Variants in TOP3B observed in about 807,000 individuals in gnomAD.
TOP3B encodes DNA topoisomerase III beta.
Under a neutral mutation model 93.9 loss-of-function variants are expected in TOP3B, and 45 were observed. The ratio of observed to expected loss-of-function variants is 0.48; its 90% CI spans 0.38 to 0.61. The LOEUF is 0.61. TOP3B is among the 20% of genes least tolerant of loss of function. The pLI is 0.00. For synonymous variants in TOP3B, 357 were observed against 472.6 expected (o/e 0.76, Z 3.17); for missense variants, 750 against 1,156.1 (o/e 0.65, Z 5.09).
rs1239986772 is a variant in TOP3B, at chr22:21,970,868, A to G, written c.385-462T>C. 12 of 512,504 alleles carry G rather than the reference A, an allele frequency of 2.3e-5. No homozygotes were observed. Among genetic ancestry groups the G allele is most frequent in the Non-Finnish European group, 3.1e-5 (11 of 355,952 alleles). The allele number at this position is 512,504 out of a possible 1,614,324, so 31.7% of individuals were successfully genotyped here. ...TGAAGAAAAGACAGGGAAGGAAAAA[A>G]GAATGAAGGGGAAAGGAAATGGGCA... On this transcript the variant is annotated intron_variant, in intron 5 of 17. Transcript: ENST00000357179. The surrounding 1 kb of genome is among the most constrained non-coding windows in gnomAD (Gnocchi z 4.4).
chr22:21,960,679 C>T (rs2071137044), intron 13 of TOP3B: 6 of 561,628 alleles, frequency 1.1e-5, no homozygotes, highest in Admixed American at 6.1e-5. Flanking sequence ...TACAGGGCGC[C>T]TACTCCTGCT....
intron 8 of TOP3B, 80 bp downstream of exon 8, chr22:21,967,523 G>A: frequency 2.8e-6 from 3 of 1,067,568 alleles, no homozygotes; most frequent in Non-Finnish European, 2.9e-6. Context: ...TAGGATCACA[G>A]GCTGTTCCTC....
chr22:21,978,526 C>A (rs75195025), intron 1 of TOP3B, among the ~76,000 whole-genome samples: 3,581 of 152,222 alleles, frequency 0.024, 82 homozygotes, highest in Non-Finnish European at 0.032. Flanking sequence ...ATTGGACAGC[C>A]TGGGTGGCCT....
At chr22:21,980,267 C>T (rs1320775216) in intron 1 of TOP3B, among the ~76,000 whole-genome samples, 2 of 152,126 alleles carry the variant, frequency 1.3e-5, no homozygotes, top group African/African-American at 4.8e-5. Context: ...CCCTTTTGCA[C>T]CTTTTACATT....
rs190599272 is a variant in TOP3B at position 21,964,582 on chromosome 22, C to T, written c.944-267G>A. 1,051 of 525,530 alleles carry T rather than the reference C, an allele frequency of 2.0e-3. 19 individuals carry two copies. The East Asian group carries it at 0.032, about 16-fold the overall frequency. 32.6% of individuals were successfully genotyped at this position (525,530 alleles called of 1,614,324 possible). A position where few individuals can be genotyped will look rare whatever the true frequency, so the allele number is the denominator to read the frequency against. On this transcript the variant is annotated intron_variant, in intron 9 of 17. Transcript: ENST00000357179. ...GGGAAACGCCACTCACTCTACCCCACGGTGCATCCTCATGGGGCTCATGGC... is the reference window on the plus strand; with the variant it reads ...GGGAAACGCCACTCACTCTACCCCATGGTGCATCCTCATGGGGCTCATGGC...
intron 1 of TOP3B, among the ~76,000 whole-genome samples, chr22:21,979,668 G>A (rs182365778): frequency 9.9e-5 from 15 of 152,164 alleles, no homozygotes; most frequent in East Asian, 9.7e-4. Flanking sequence ...CTGGCCGGGC[G>A]CGGTGGCTCA....
chr22:21,964,576 A>AC (rs2071341252), intron 9 of TOP3B: 2 of 532,538 alleles, frequency 3.8e-6, no homozygotes, highest in Non-Finnish European at 6.8e-6. Flanking sequence ...CACTCACTCT[A>AC]CCCCACGGTG....
At chr22:21,957,797 A>G (rs2070984059) in intron 17 of TOP3B, 1 of 1,529,828 alleles carries the variant, frequency 6.5e-7, no homozygotes, top group African/African-American at 1.4e-5. Flanking sequence ...AAACCTCCTC[A>G]ACTTTCAAGG....
chr22:21,974,556 C>A, intron 2 of TOP3B, 68 bp from the exon 3 acceptor site: 2 of 1,491,516 alleles, frequency 1.3e-6, no homozygotes, highest in Admixed American at 2.2e-5. Flanking sequence ...GAGACCCCAG[C>A]CCGGATGCCA....
chr22:21,974,631 C>T (rs1360933212), intron 2 of TOP3B, 143 bp from the exon 3 acceptor site: 14 of 938,348 alleles, frequency 1.5e-5, no homozygotes, highest in African/African-American at 6.7e-5. Flanking sequence ...CAGACTGGTG[C>T]GGGTAGTTGG....
chr22:21,967,830 T>C lies in TOP3B; in HGVS notation c.739-114A>G, dbSNP rs527851475. 56 of 744,808 alleles carry C rather than the reference T, an allele frequency of 7.5e-5. No homozygotes were observed. The African/African-American group carries it at 8.6e-4, about 11-fold the overall frequency. The allele number at this position is 744,808 out of a possible 1,614,324, so 46.1% of individuals were successfully genotyped here. On this transcript the variant is annotated intron_variant, in intron 7 of 17. Coordinates refer to ENST00000357179, the MANE Select transcript of TOP3B (RefSeq NM_001282112.2). ...TCCTTGTCTGGGAGCCAAATAGCCC[T>C]GGCTGTAATGGCTCACAGCTGTACC...
At chr22:21,981,444 T>C (rs1182530333) in intron 1 of TOP3B, among the ~76,000 whole-genome samples, 1 of 152,220 alleles carries the variant, frequency 6.6e-6, no homozygotes, top group African/African-American at 2.4e-5. Flanking sequence ...ACAGCTTCCA[T>C]CTACTTATTC....
intron 1 of TOP3B, among the ~76,000 whole-genome samples, chr22:21,980,756 A>T (rs995861751): frequency 1.3e-5 from 2 of 152,214 alleles, no homozygotes; most frequent in African/African-American, 2.4e-5. Flanking sequence ...GGCCTAGGCC[A>T]CTTTTCCCCC....
intron 3 of TOP3B, chr22:21,973,837 A>T (rs1490210669): frequency 1.3e-5 from 2 of 152,776 alleles, no homozygotes; most frequent in African/African-American, 4.8e-5. Context: ...AGAGGCCGTC[A>T]TTGCCCACAT....
At chr22:21,976,937 A>G (rs537629180) in intron 1 of TOP3B, 2 of 152,366 alleles carry the variant, frequency 1.3e-5, no homozygotes, top group South Asian at 4.1e-4. Context: ...AAATCCCACT[A>G]AAACCGATTC....
At chr22:21,972,782 A>G in intron 3 of TOP3B, 64 bp from the exon 4 acceptor site, 1 of 1,376,232 alleles carries the variant, frequency 7.3e-7, no homozygotes, top group Non-Finnish European at 1.0e-6. Context: ...TCATAACCCC[A>G]GGAGGATGTT....
Position 21,964,221 on chromosome 22 carries a change from C to T in TOP3B, c.1038G>A (p.Glu346=), listed in dbSNP as rs1453233660. 4.3e-6 allele frequency: 7 copies of T among 1,614,210 alleles called. No individual in the cohort carries two copies. Among genetic ancestry groups the T allele is most frequent in the Non-Finnish European group, 5.9e-6 (7 of 1,180,034 alleles). ...YPRTETTHYP[E]NFDLKGSLRQ... Reference sequence around the variant, plus strand: ...GCAGAGAGCCCTTCAGGTCAAAGTTCTCAGGGTAGTGGGTGGTCTCTGTCC... The same window carrying T: ...GCAGAGAGCCCTTCAGGTCAAAGTTTTCAGGGTAGTGGGTGGTCTCTGTCC... The change falls in exon 10 of 18, where the codon GAG becomes GAA. Residue 346 remains glutamate, a synonymous_variant. Transcript: ENST00000357179.
Position 21,970,467 on chromosome 22 carries a change from C to T in TOP3B, c.385-61G>A. ...CCAGATCCCTGCCACAGCTCCCCACCCCACTGTGAAGCCTGGTTCCTTCCA... is the reference window on the plus strand; with the variant it reads ...CCAGATCCCTGCCACAGCTCCCCACTCCACTGTGAAGCCTGGTTCCTTCCA... On this transcript the variant is annotated intron_variant, in intron 5 of 17. Transcript: ENST00000357179. The surrounding 1 kb of genome is among the most constrained non-coding windows in gnomAD (Gnocchi z 4.4). 1 of 1,559,766 alleles carries T rather than the reference C, an allele frequency of 6.4e-7. No homozygotes were observed.
chr22:21,974,595 CCA>C, intron 2 of TOP3B, 107 bp from the exon 3 acceptor site: 1 of 1,296,970 alleles, frequency 7.7e-7, no homozygotes, highest in Non-Finnish European at 1.0e-6. Context: ...TCCTCCTTCC[CCA>C]GAGTGGTGAG....
Sources: gnomAD v4.1 joint callset for allele counts (sites outside exome capture counted in the v4.1 genomes callset) on GRCh38, gnomAD v4.1.1 for gene constraint, Gnocchi (gnomAD v3.1) non-coding constraint, MANE v1.5 for transcripts, NCBI Gene and HGNC (gene_info 2026-07-23, HGNC 2026-07-21) for gene names.